Variants in MOGAT2 observed in about 807,000 individuals in gnomAD.
MOGAT2 encodes 2-acylglycerol O-acyltransferase 2.
In MOGAT2, 27 loss-of-function variants were observed where a neutral mutation model predicts 31.5. The observed-to-expected ratio is 0.86, with a 90% CI of 0.63 to 1.18. The LOEUF is 1.18. MOGAT2 is among the 50% of genes most tolerant of loss of function. MOGAT2 has a pLI of 0.00. For missense variants in MOGAT2, 436 were observed against 433.2 expected, an observed-to-expected ratio of 1.01 and a Z score of -0.06; for synonymous variants, 163 against 170.0, an observed-to-expected ratio of 0.96 and a Z score of 0.32.
chr11:75,730,365 T>C (rs1397722646), intron 5 of MOGAT2, among the ~76,000 whole-genome samples: 1 of 152,014 alleles, frequency 6.6e-6, no homozygotes, highest in East Asian at 1.9e-4. Flanking sequence ...ACACACCCCA[T>C]CTTAGAAATA....
intron 2 of MOGAT2, among the ~76,000 whole-genome samples, chr11:75,720,841 T>G (rs1219536): frequency 0.48 from 73,200 of 151,962 alleles, 18,045 homozygotes; most frequent in Middle Eastern, 0.53. Flanking sequence ...TCCTGTCACC[T>G]CGTGGTCATT....
chr11:75,729,835 C>T (rs1162394000), intron 5 of MOGAT2, among the ~76,000 whole-genome samples: 3 of 149,356 alleles, frequency 2.0e-5, no homozygotes, highest in Admixed American at 6.8e-5. Flanking sequence ...ACCTCCACCT[C>T]CCAAGTTCAA....
At chr11:75,723,793 C>G (rs1944397136) in intron 2 of MOGAT2, among the ~76,000 whole-genome samples, 1 of 152,186 alleles carries the variant, frequency 6.6e-6, no homozygotes. Context: ...CCCCCAGAGC[C>G]TAGTAACCTG....
intron 5 of MOGAT2, chr11:75,730,908 C>T (rs1333218899): frequency 1.2e-4 from 43 of 345,506 alleles, no homozygotes; most frequent in African/African-American, 1.0e-3. Flanking sequence ...GAGCGAGACT[C>T]TACCTCAAAA....
rs543037592 is a variant in MOGAT2 at position 75,729,740 on chromosome 11, C to CTTTTT, written c.850+759_850+763dup. Among the ~76,000 whole-genome samples, 28 of 121,402 alleles carry CTTTTT rather than the reference C, an allele frequency of 2.3e-4. 1 individual carries two copies. The highest frequency in any genetic ancestry group is 2.6e-4 in the Non-Finnish European group (16 of 61,618). 79.6% of individuals were successfully genotyped at this position (121,402 alleles called of 152,430 possible). A position where few individuals can be genotyped will look rare whatever the true frequency, so the allele number is the denominator to read the frequency against. On this transcript the variant is annotated intron_variant, in intron 5 of 5. Transcript: ENST00000198801. ...AATGCCAGAGAAGGAGGGTTTAATTCTTTTTTTTTTTTGTTTTTTTTTGAG... is the reference window on the plus strand; with the variant it reads ...AATGCCAGAGAAGGAGGGTTTAATTCTTTTTTTTTTTTTTTTTGTTTTTTTTTGAG...
intron 2 of MOGAT2, among the ~76,000 whole-genome samples, chr11:75,720,543 C>T (rs1944368835): frequency 1.3e-5 from 2 of 152,146 alleles, no homozygotes; most frequent in African/African-American, 4.8e-5. Flanking sequence ...TAGCCTCACA[C>T]TTAACATTCA....
chr11:75,727,698 A>G, intron 3 of MOGAT2, 59 bp downstream of exon 3: 5 of 1,509,824 alleles, frequency 3.3e-6, no homozygotes, highest in Non-Finnish European at 4.5e-6. Flanking sequence ...AAGGGTTGCC[A>G]ATAGTTCTGT....
intron 2 of MOGAT2, among the ~76,000 whole-genome samples, chr11:75,722,843 T>A (rs866047232): frequency 2.0e-4 from 30 of 152,358 alleles, no homozygotes; most frequent in Middle Eastern, 6.8e-3. Context: ...TCCTGCTCCT[T>A]CCCCAGCCAG....
At position 75,719,781 on chromosome 11, in the gene MOGAT2, T is replaced by C. The variant is rs555070094; in HGVS notation, c.92-211T>C. ...GTTAGGCCTACCTAGGCTCAACGCG[T>C]GCTCCCAGTGACACTGGGCTGGCCG... On this transcript the variant is annotated intron_variant, in intron 1 of 5. Coordinates refer to ENST00000198801, the MANE Select transcript of MOGAT2 (RefSeq NM_025098.4). 42 of 554,742 alleles carry C rather than the reference T, an allele frequency of 7.6e-5. 1 individual carries two copies. Among genetic ancestry groups the C allele is most frequent in the Admixed American group, 2.4e-4 (8 of 32,976 alleles). The allele number at this position is 554,742 out of a possible 1,614,324, so 34.4% of individuals were successfully genotyped here.
In MOGAT2 at chr11:75,721,658, T is replaced by C. The variant is rs182160133; in HGVS notation, c.270+1488T>C. Among the ~76,000 whole-genome samples, 8 of 152,196 alleles carry C rather than the reference T, an allele frequency of 5.3e-5. No individual in the cohort carries two copies. In the East Asian group the frequency reaches 1.5e-3, roughly 29 times the overall value. On this transcript the variant is annotated intron_variant, in intron 2 of 5. Transcript: ENST00000198801. ...GCAGTGGGACTCTGAGGAAGTGTGG[T>C]CGTGACCTCGAGTCTGGGGAGGACT...
intron 2 of MOGAT2, among the ~76,000 whole-genome samples, chr11:75,722,294 C>T (rs1944382884): frequency 6.6e-6 from 1 of 152,220 alleles, no homozygotes; most frequent in African/African-American, 2.4e-5. Flanking sequence ...CTCTCTCCAG[C>T]CTGGGCTTCC....
chr11:75,728,004 C>T lies in MOGAT2; in HGVS notation c.510C>T (p.His170=). 6.2e-7 allele frequency: 1 copy of T among 1,613,668 alleles called. No individual in the cohort carries two copies. Among genetic ancestry groups the T allele is most frequent in the South Asian group, 1.1e-5 (1 of 91,010 alleles). Residue 170 remains histidine, a synonymous_variant, in exon 4 of 6, where the codon CAC becomes CAT. Coordinates refer to ENST00000198801, the MANE Select transcript of MOGAT2 (RefSeq NM_025098.4). The part of the protein sequence containing the change: ...LVTSEKESAA[H]ILNRKGGGNL... ...CATCAGAAAAGGAGAGTGCTGCTCA[C>T]ATTCTGAACAGGAAGGGTGGCGGAA...
intron 1 of MOGAT2, 61 bp downstream of exon 1, chr11:75,718,040 C>T: frequency 6.8e-7 from 1 of 1,468,634 alleles, no homozygotes; most frequent in Non-Finnish European, 9.5e-7. Context: ...AGAGCAGCCA[C>T]ACCAGGTGCA....
In MOGAT2 at chr11:75,731,550, C is replaced by A; in HGVS notation, c.*264C>A. On this transcript the variant is annotated 3_prime_UTR_variant, in exon 6 of 6. Transcript: ENST00000198801. ...TGGGCCCCTCTCTATATTGAGTGGTCTGTTAACATTCATTGGTGGCTGATT... is the reference window on the plus strand; with the variant it reads ...TGGGCCCCTCTCTATATTGAGTGGTATGTTAACATTCATTGGTGGCTGATT... 2.8e-6 allele frequency: 1 copy of A among 353,242 alleles called. No individual in the cohort carries two copies. Among genetic ancestry groups the A allele is most frequent in the Non-Finnish European group, 4.8e-6 (1 of 208,884 alleles). The allele number at this position is 353,242 out of a possible 1,614,324, so 21.9% of individuals were successfully genotyped here.
rs184614846 is a variant in MOGAT2, at chr11:75,730,593, C to T, written c.851-539C>T. 3.9e-5 allele frequency among the ~76,000 whole-genome samples: 6 copies of T among 152,208 alleles called. No homozygotes were observed. The East Asian group carries it at 1.2e-3, about 29-fold the overall frequency. ...AAAGGGAGTATTTCATGTAAAGCAC[C>T]TAGTGCATTGCCTGACACATTGAAA... is the stretch of plus-strand genomic sequence containing the variant. On this transcript the variant is annotated intron_variant, in intron 5 of 5. Transcript: ENST00000198801.
intron 2 of MOGAT2, among the ~76,000 whole-genome samples, chr11:75,723,823 C>T (rs2135733509): frequency 6.6e-6 from 1 of 152,246 alleles, no homozygotes; most frequent in East Asian, 1.9e-4. Flanking sequence ...TTCTCCAGGC[C>T]CCACTGCCTA....
At chr11:75,719,704 G>A (rs1352566370) in intron 1 of MOGAT2, 3 of 433,664 alleles carry the variant, frequency 6.9e-6, no homozygotes, top group East Asian at 7.3e-5. Flanking sequence ...GGACAGGCAG[G>A]GGATGGAGTG....
Position 75,727,656 on chromosome 11 carries a change from C to A in MOGAT2, c.475+17C>A. The A allele has an allele frequency of 6.2e-7, 1 of 1,607,556 alleles. No individual in the cohort carries two copies. The highest frequency in any genetic ancestry group is 1.1e-5 in the South Asian group (1 of 90,608). On this transcript the variant is annotated intron_variant, in intron 3 of 5. Transcript: ENST00000198801. ...TGTCTGCAGGTGAGTCTTTCTACCC[C>A]TGAGCAGCTCAGGAAGGTAACAAAT...
chr11:75,727,982 C>G lies in MOGAT2; in HGVS notation c.488C>G (p.Ser163Ter). 6.2e-7 allele frequency: 1 copy of G among 1,609,250 alleles called. No homozygotes were observed. The highest frequency in any genetic ancestry group is 8.5e-7 in the Non-Finnish European group (1 of 1,177,146). ...TCTCTTTCCCTAGGGTTGGTCACAT[C>G]AGAAAAGGAGAGTGCTGCTCACATT... ...DYIMSAGLVT[S>*]EKESAAHILN... The change falls in exon 4 of 6, where the codon TCA becomes TGA. Residue 163 changes from serine (S) to a stop codon, truncating the protein, a stop_gained. Transcript: ENST00000198801. LOFTEE classifies it high-confidence loss of function.
Sources: allele counts gnomAD v4.1 joint callset (sites outside exome capture counted in the v4.1 genomes callset), GRCh38; gene constraint gnomAD v4.1.1; transcripts MANE v1.5; gene names NCBI Gene and HGNC (gene_info 2026-07-23, HGNC 2026-07-21).